AUTS2: variants seen among roughly 807,000 people sequenced by gnomAD.
The protein encoded by AUTS2 is activator of transcription and developmental regulator AUTS2, also known as autism susceptibility gene 2 protein.
A neutral mutation model predicts 112.4 loss-of-function variants in AUTS2; 17 were observed. The observed-to-expected ratio is 0.15, with a 90% CI of 0.10 to 0.23. The LOEUF is 0.23. AUTS2 is among the 10% of genes least tolerant of loss of function. The pLI is 1.00. For synonymous variants in AUTS2, 751 were observed against 702.7 expected (o/e 1.07, Z -1.09); for missense variants, 1,510 against 1,701.6 (o/e 0.89, Z 1.98).
chr7:70,739,232 T>G (rs1053619585), intron 6 of AUTS2, among the ~76,000 whole-genome samples: 3 of 151,958 alleles, frequency 2.0e-5, no homozygotes, highest in African/African-American at 7.2e-5. Context: ...CTCACCATGT[T>G]GCCCAGGCTG....
chr7:70,181,739 T>C (rs1179972945), intron 4 of AUTS2, among the ~76,000 whole-genome samples: 1 of 151,382 alleles, frequency 6.6e-6, no homozygotes, highest in Non-Finnish European at 1.5e-5. Context: ...TCCGCCCCCC[T>C]CGGCCTCCCA....
intron 4 of AUTS2, among the ~76,000 whole-genome samples, chr7:70,146,437 A>T (rs527626297): frequency 1.3e-5 from 2 of 152,220 alleles, no homozygotes; most frequent in South Asian, 4.1e-4. Flanking sequence ...TGTTTGTGAC[A>T]TACTCTTCAC....
chr7:70,244,979 G>A (rs1452316918), intron 4 of AUTS2, among the ~76,000 whole-genome samples: 1 of 151,602 alleles, frequency 6.6e-6, no homozygotes, highest in Non-Finnish European at 1.5e-5. Context: ...AATTAGCTGG[G>A]TGTGGTGGCG....
chr7:70,045,116 AT>A (rs1801441801), intron 2 of AUTS2, among the ~76,000 whole-genome samples: 1 of 152,156 alleles, frequency 6.6e-6, no homozygotes. Context: ...CATCACTGCC[AT>A]TAGAAGGTAT....
At chr7:70,569,799 G>C (rs1290161812) in intron 5 of AUTS2, among the ~76,000 whole-genome samples, 1 of 152,148 alleles carries the variant, frequency 6.6e-6, no homozygotes, top group Non-Finnish European at 1.5e-5. Flanking sequence ...TATTAGCAAG[G>C]TCAACCACTG....
intron 5 of AUTS2, among the ~76,000 whole-genome samples, chr7:70,538,194 AC>A (rs1396433794): frequency 6.6e-6 from 1 of 152,122 alleles, no homozygotes; most frequent in African/African-American, 2.4e-5. Context: ...TCATGATTGC[AC>A]CACTGTACTT....
At chr7:69,689,318 T>G (rs1389517503) in intron 1 of AUTS2, among the ~76,000 whole-genome samples, 3 of 150,992 alleles carry the variant, frequency 2.0e-5, no homozygotes, top group African/African-American at 2.4e-5. Context: ...TCTAACTCCT[T>G]ACCTTTTAAT....
intron 1 of AUTS2, among the ~76,000 whole-genome samples, chr7:69,857,452 A>G (rs1792780307): frequency 6.6e-6 from 1 of 152,214 alleles, no homozygotes; most frequent in African/African-American, 2.4e-5. Flanking sequence ...CCCTCTTTGA[A>G]ACAATGCAAT....
chr7:70,747,154 T>C (rs1469477756), intron 6 of AUTS2, among the ~76,000 whole-genome samples: 1 of 152,204 alleles, frequency 6.6e-6, no homozygotes, highest in Non-Finnish European at 1.5e-5. Flanking sequence ...TAGCTGCTTC[T>C]TGAAGAAGAA....
At chr7:70,680,582 C>A (rs190175231) in intron 5 of AUTS2, among the ~76,000 whole-genome samples, 6 of 152,284 alleles carry the variant, frequency 3.9e-5, no homozygotes, top group Non-Finnish European at 8.8e-5. Context: ...TCATGCACCC[C>A]CAAACTCAGC....
intron 1 of AUTS2, among the ~76,000 whole-genome samples, chr7:69,662,322 T>C (rs1016262540): frequency 1.3e-5 from 2 of 152,148 alleles, no homozygotes; most frequent in African/African-American, 2.4e-5. Flanking sequence ...GAGGCATTAT[T>C]TTCTGGTTCC....
intron 1 of AUTS2, among the ~76,000 whole-genome samples, chr7:69,838,927 G>C (rs1741964046): frequency 6.6e-6 from 1 of 152,170 alleles, no homozygotes; most frequent in Non-Finnish European, 1.5e-5. Context: ...AGGGATATGA[G>C]CTCCAGATTG....
chr7:69,829,721 A>G (rs558160181), intron 1 of AUTS2, among the ~76,000 whole-genome samples: 2 of 152,304 alleles, frequency 1.3e-5, no homozygotes, highest in Non-Finnish European at 2.9e-5. Context: ...GCCATTATTA[A>G]AAAGTCAAGA....
intron 4 of AUTS2, chr7:70,294,079 A>C (rs1788827502): frequency 6.6e-6 from 1 of 152,208 alleles, no homozygotes; most frequent in South Asian, 2.1e-4. Context: ...TTATGTGAGA[A>C]TAATATAGAT....
At chr7:69,687,735 A>G (rs1344215864) in intron 1 of AUTS2, among the ~76,000 whole-genome samples, 3 of 152,174 alleles carry the variant, frequency 2.0e-5, no homozygotes, top group Non-Finnish European at 4.4e-5. Flanking sequence ...CGCGTATGAT[A>G]ACCCAGATAC....
At chr7:70,045,215 A>C (rs571841180) in intron 2 of AUTS2, among the ~76,000 whole-genome samples, 5 of 152,294 alleles carry the variant, frequency 3.3e-5, no homozygotes, top group African/African-American at 1.2e-4. Flanking sequence ...GAACAGAGCA[A>C]TCTTTTTAGA....
At chr7:70,677,190 G>T (rs892355999) in intron 5 of AUTS2, among the ~76,000 whole-genome samples, 2 of 152,082 alleles carry the variant, frequency 1.3e-5, no homozygotes, top group Non-Finnish European at 2.9e-5. Flanking sequence ...CTTCCCCAGC[G>T]CAGTAAACGT....
At chr7:70,000,782 C>T (rs1799155410) in intron 2 of AUTS2, among the ~76,000 whole-genome samples, 1 of 152,182 alleles carries the variant, frequency 6.6e-6, no homozygotes, top group African/African-American at 2.4e-5. Flanking sequence ...CATTTCTACT[C>T]AGATTAGCAG....
intron 2 of AUTS2, among the ~76,000 whole-genome samples, chr7:69,902,068 T>C (rs1292119916): frequency 6.6e-6 from 1 of 152,190 alleles, no homozygotes; most frequent in Non-Finnish European, 1.5e-5. Context: ...TATTTATTTT[T>C]AATGTTTTTT....
Sources: allele counts gnomAD v4.1 joint callset (sites outside exome capture counted in the v4.1 genomes callset), GRCh38; gene constraint gnomAD v4.1.1; transcripts MANE v1.5; gene names NCBI Gene and HGNC (gene_info 2026-07-23, HGNC 2026-07-21).